Variants in DIP2C observed in about 807,000 individuals in gnomAD.
DIP2C encodes the protein disco-interacting protein 2 homolog C.
A neutral mutation model predicts 192.4 loss-of-function variants in DIP2C; 33 were observed. That is an observed-to-expected ratio of 0.17 (90% CI 0.13 to 0.23). DIP2C has a LOEUF of 0.23. Among genes scored for constraint, DIP2C ranks in the 10% least tolerant of loss-of-function variants. The pLI, the probability that DIP2C is intolerant of heterozygous loss-of-function variation, is 1.00. For missense variants in DIP2C, 1,537 were observed against 2,110.1 expected, an observed-to-expected ratio of 0.73 and a Z score of 5.32; for synonymous variants, 979 against 864.1, an observed-to-expected ratio of 1.13 and a Z score of -2.33.
chr10:442,000 C>G (rs1216569303), intron 3 of DIP2C, among the ~76,000 whole-genome samples: 1 of 152,108 alleles, frequency 6.6e-6, no homozygotes, highest in African/African-American at 2.4e-5. Flanking sequence ...AACTGTGAAG[C>G]CAGGGAAGAA....
intron 1 of DIP2C, among the ~76,000 whole-genome samples, chr10:502,944 C>T (rs961704516): frequency 3.9e-5 from 6 of 152,078 alleles, no homozygotes; most frequent in Non-Finnish European, 7.4e-5. Context: ...AGGACACTGA[C>T]CTGCGGACTT....
At chr10:525,644 G>A (rs2130836640) in intron 1 of DIP2C, among the ~76,000 whole-genome samples, 1 of 152,292 alleles carries the variant, frequency 6.6e-6, no homozygotes, top group South Asian at 2.1e-4. Context: ...TGCCCACTGA[G>A]GACAGGGAGA....
chr10:415,981 C>T (rs180836864), intron 6 of DIP2C, 93 bp from the exon 7 acceptor site: 50 of 1,573,376 alleles, frequency 3.2e-5, no homozygotes, highest in South Asian at 2.2e-4. Context: ...CTCCCCAGCG[C>T]GGCTACAACA....
intron 1 of DIP2C, among the ~76,000 whole-genome samples, chr10:635,407 C>T (rs1046080884): frequency 5.3e-5 from 8 of 152,374 alleles, no homozygotes; most frequent in South Asian, 2.1e-4. Context: ...GATGGATAGA[C>T]GTCCTGGACA....
At chr10:356,561 G>T in intron 23 of DIP2C, 55 bp from the exon 24 acceptor site, 2 of 1,495,694 alleles carry the variant, frequency 1.3e-6, no homozygotes, top group Non-Finnish European at 1.8e-6. Context: ...CAGGCTGTGC[G>T]GGCTGAGGTG....
intron 4 of DIP2C, chr10:438,024 T>G (rs950631248): frequency 6.6e-6 from 1 of 152,238 alleles, no homozygotes; most frequent in Admixed American, 6.5e-5. Context: ...ATATTGATAT[T>G]TATGATTGTA....
rs577269614 is a variant in DIP2C, at chr10:340,430, G to C, written c.3584+769C>G. ...AAATGTGAAGCTGGATGATGGTCAC[G>C]GGTGTTTATTACTGGACATGCTCTA... On this transcript the variant is annotated intron_variant, in intron 29 of 36. Coordinates refer to ENST00000280886, the MANE Select transcript of DIP2C (RefSeq NM_014974.3). 2.0e-5 allele frequency among the ~76,000 whole-genome samples: 3 copies of C among 152,098 alleles called. No individual in the cohort carries two copies. The East Asian group carries it at 5.8e-4, about 29-fold the overall frequency.
At chr10:609,405 AAAC>A (rs1329454964) in intron 1 of DIP2C, among the ~76,000 whole-genome samples, 5 of 152,238 alleles carry the variant, frequency 3.3e-5, no homozygotes, top group African/African-American at 9.6e-5. Context: ...ACAATCTATC[AAAC>A]AATACTGGAG....
intron 17 of DIP2C, 71 bp from the exon 18 acceptor site, chr10:369,704 C>T: frequency 6.2e-7 from 1 of 1,611,154 alleles, no homozygotes; most frequent in East Asian, 2.2e-5. Flanking sequence ...GTGCAGTCAG[C>T]ACACATGCGG....
chr10:518,180 CA>C (rs1846482999), intron 1 of DIP2C, among the ~76,000 whole-genome samples: 2 of 152,246 alleles, frequency 1.3e-5, no homozygotes, highest in Admixed American at 1.3e-4. Flanking sequence ...CTGACCACCC[CA>C]AGGTCATGGC....
At chr10:280,954 T>G (rs3125027) in intron 36 of DIP2C, among the ~76,000 whole-genome samples, 1 of 152,046 alleles carries the variant, frequency 6.6e-6, no homozygotes, top group African/African-American at 2.4e-5. Flanking sequence ...CTGGAAAATG[T>G]TGTCAAGTAG....
intron 7 of DIP2C, among the ~76,000 whole-genome samples, chr10:414,779 A>ATATATATAATGTG (rs1965490815): frequency 1.3e-4 from 17 of 130,598 alleles, no homozygotes; most frequent in African/African-American, 4.6e-4. Flanking sequence ...TATAATGTGT[A>ATATATATAATGTG]TATATATATA....
At chr10:486,208 A>G (rs886217898) in intron 2 of DIP2C, among the ~76,000 whole-genome samples, 6 of 152,368 alleles carry the variant, frequency 3.9e-5, no homozygotes, top group Admixed American at 3.3e-4. Flanking sequence ...ATTTTAAAGT[A>G]ACCAACCCAA....
chr10:396,769 C>A (rs903833205), intron 10 of DIP2C, among the ~76,000 whole-genome samples: 2 of 150,232 alleles, frequency 1.3e-5, no homozygotes, highest in African/African-American at 2.5e-5. Context: ...TGAGAAAGCA[C>A]CTCACGGGAA....
At chr10:650,732 C>T in intron 1 of DIP2C, 1 of 637,534 alleles carries the variant, frequency 1.6e-6, no homozygotes, top group Non-Finnish European at 2.9e-6. Flanking sequence ...GGCCGACCCC[C>T]CCTCATGCTC....
chr10:468,689 G>A (rs1050766577), intron 3 of DIP2C, among the ~76,000 whole-genome samples: 1 of 152,156 alleles, frequency 6.6e-6, no homozygotes, highest in Non-Finnish European at 1.5e-5. Flanking sequence ...GAACCCACGA[G>A]GCAGAGTTTG....
At chr10:343,011 T>C (rs1958233249) in intron 28 of DIP2C, among the ~76,000 whole-genome samples, 2 of 152,104 alleles carry the variant, frequency 1.3e-5, no homozygotes, top group South Asian at 2.1e-4. Context: ...ACGTCACGGC[T>C]GGGCAAGGTG....
intron 3 of DIP2C, among the ~76,000 whole-genome samples, chr10:466,263 A>C (rs1379853456): frequency 3.3e-5 from 5 of 151,602 alleles, no homozygotes; most frequent in Admixed American, 3.3e-4. Flanking sequence ...ATCTTTGACA[A>C]ACCTGAGAAA....
intron 1 of DIP2C, among the ~76,000 whole-genome samples, chr10:494,712 C>T (rs1302661422): frequency 6.6e-6 from 1 of 152,126 alleles, no homozygotes; most frequent in East Asian, 1.9e-4. Flanking sequence ...GTCAGGGGAA[C>T]CAAGGGGATC....
Sources: allele counts gnomAD v4.1 joint callset (sites outside exome capture counted in the v4.1 genomes callset), GRCh38; gene constraint gnomAD v4.1.1; transcripts MANE v1.5; gene names NCBI Gene and HGNC (gene_info 2026-07-23, HGNC 2026-07-21).